The following LTBP1 variants were observed in gnomAD, a reference collection of about 807,000 sequenced individuals.
LTBP1 encodes latent transforming growth factor beta binding protein 1.
Under a neutral mutation model 207.6 loss-of-function variants are expected in LTBP1, and 129 were observed. That is an observed-to-expected ratio of 0.62 (90% CI 0.54 to 0.72). The LOEUF is 0.72. Ranked by LOEUF, LTBP1 falls within the 30% of genes least tolerant of loss-of-function variation. The pLI is 0.00. For missense variants in LTBP1, 2,281 were observed against 2,217.2 expected (o/e 1.03, Z -0.58); for synonymous variants, 963 against 833.7 (o/e 1.16, Z -2.67).
At chr2:33,314,596 C>G (rs1208791745) in intron 23 of LTBP1, among the ~76,000 whole-genome samples, 4 of 152,096 alleles carry the variant, frequency 2.6e-5, no homozygotes, top group African/African-American at 4.8e-5. Flanking sequence ...TTTCTATTAC[C>G]CATTTCCAAT....
At chr2:33,040,268 G>A (rs1432138500) in intron 3 of LTBP1, among the ~76,000 whole-genome samples, 5 of 152,178 alleles carry the variant, frequency 3.3e-5, no homozygotes, top group Admixed American at 2.6e-4. Context: ...AGACCCAGAT[G>A]CTTGGAGCAG....
intron 6 of LTBP1, among the ~76,000 whole-genome samples, chr2:33,187,959 A>G (rs977147581): frequency 2.6e-5 from 4 of 152,198 alleles, no homozygotes; most frequent in African/African-American, 9.6e-5. Context: ...GATAAAATTT[A>G]CCTGCTTAGA....
At chr2:32,961,517 T>C (rs1019159810) in intron 2 of LTBP1, among the ~76,000 whole-genome samples, 4 of 152,008 alleles carry the variant, frequency 2.6e-5, no homozygotes, top group African/African-American at 9.7e-5. Context: ...TTAAATATTT[T>C]TGGAACATTT....
intron 22 of LTBP1, among the ~76,000 whole-genome samples, chr2:33,307,861 A>C (rs1249758383): frequency 1.3e-5 from 2 of 152,106 alleles, no homozygotes; most frequent in African/African-American, 2.4e-5. Flanking sequence ...GCACTCTCTT[A>C]TTTCTCTTTT....
At chr2:33,157,822 G>C (rs929284080) in intron 5 of LTBP1, among the ~76,000 whole-genome samples, 2 of 152,112 alleles carry the variant, frequency 1.3e-5, no homozygotes, top group East Asian at 3.9e-4. Context: ...CTGGGTTACT[G>C]GGAAAAGCTG....
intron 3 of LTBP1, among the ~76,000 whole-genome samples, chr2:33,039,644 T>C (rs1161070692): frequency 6.6e-6 from 1 of 152,228 alleles, no homozygotes; most frequent in African/African-American, 2.4e-5. Context: ...GTCTAAATCA[T>C]TGAGAAATTA....
intron 24 of LTBP1, 138 bp downstream of exon 24, chr2:33,315,407 C>A: frequency 9.3e-7 from 1 of 1,073,152 alleles, no homozygotes; most frequent in Non-Finnish European, 1.3e-6. Flanking sequence ...CAAAGTAAAC[C>A]ATATCTGAAA....
chr2:33,080,119 C>T (rs1007657302), intron 3 of LTBP1, among the ~76,000 whole-genome samples: 2 of 152,044 alleles, frequency 1.3e-5, no homozygotes, highest in African/African-American at 2.4e-5. Context: ...CTCTGCCTCC[C>T]GAGTTCAAGT....
intron 24 of LTBP1, among the ~76,000 whole-genome samples, chr2:33,316,548 GGA>G (rs1418039520): frequency 6.6e-6 from 1 of 152,132 alleles, no homozygotes; most frequent in African/African-American, 2.4e-5. Context: ...ACTAGAACTG[GGA>G]GAGAGAGAGT....
intron 2 of LTBP1, among the ~76,000 whole-genome samples, chr2:33,017,702 C>T (rs562238440): frequency 2.0e-5 from 3 of 152,214 alleles, no homozygotes; most frequent in South Asian, 2.1e-4. Flanking sequence ...CTGCAAGCTC[C>T]GCCTCCTGGG....
Position 33,343,012 on chromosome 2 carries a change from A to G in LTBP1, c.3856+49A>G, listed in dbSNP as rs753249262. The G allele has an allele frequency of 3.8e-6, 6 of 1,575,982 alleles. No individual in the cohort carries two copies. In the East Asian group the frequency reaches 1.1e-4, roughly 30 times the overall value. On this transcript the variant is annotated intron_variant, in intron 25 of 33. Coordinates refer to ENST00000404816, the MANE Select transcript of LTBP1 (RefSeq NM_206943.4). ...ACGTGTTTCACATGTCCCTAGGGAA[A>G]AGAAATCACAGTGAACAACAGGAGC...
intron 10 of LTBP1, among the ~76,000 whole-genome samples, chr2:33,245,244 A>G (rs1288842519): frequency 6.6e-6 from 1 of 152,100 alleles, no homozygotes; most frequent in Non-Finnish European, 1.5e-5. Flanking sequence ...GTCTAGTTTG[A>G]AATTTGCCAT....
chr2:32,951,392 T>G (rs932574817), intron 2 of LTBP1, among the ~76,000 whole-genome samples: 1 of 152,200 alleles, frequency 6.6e-6, no homozygotes, highest in Non-Finnish European at 1.5e-5. Flanking sequence ...ATAATGTATC[T>G]CTGAGGTGGA....
At chr2:33,112,910 A>C (rs569388435) in intron 4 of LTBP1, among the ~76,000 whole-genome samples, 2 of 152,342 alleles carry the variant, frequency 1.3e-5, no homozygotes, top group African/African-American at 4.8e-5. Flanking sequence ...TAGCATCTTC[A>C]TTTTTATATT....
At chr2:33,201,315 A>G (rs1342616238) in intron 7 of LTBP1, among the ~76,000 whole-genome samples, 1 of 152,224 alleles carries the variant, frequency 6.6e-6, no homozygotes, top group African/African-American at 2.4e-5. Context: ...TGATGAGTTC[A>G]TGTCCTTTGT....
chr2:32,982,630 G>T (rs142373838), intron 2 of LTBP1, among the ~76,000 whole-genome samples: 135 of 152,306 alleles, frequency 8.9e-4, no homozygotes, highest in African/African-American at 3.1e-3. Context: ...GGACTCCCCT[G>T]CTGTATGCAG....
intron 2 of LTBP1, among the ~76,000 whole-genome samples, chr2:32,966,837 T>C (rs1035723516): frequency 2.0e-5 from 3 of 152,164 alleles, no homozygotes; most frequent in African/African-American, 4.8e-5. Context: ...TGTAGTTTCC[T>C]GTTCCTGTAA....
chr2:32,976,718 C>T (rs185644156), intron 2 of LTBP1, among the ~76,000 whole-genome samples: 151 of 152,250 alleles, frequency 9.9e-4, no homozygotes, highest in Middle Eastern at 3.4e-3. Context: ...GCAGGGGCCA[C>T]GGTTGGCACA....
intron 16 of LTBP1, among the ~76,000 whole-genome samples, chr2:33,274,091 T>G (rs1022692491): frequency 2.6e-5 from 4 of 152,146 alleles, no homozygotes; most frequent in African/African-American, 4.8e-5. Flanking sequence ...AAACATGTAT[T>G]TAGCAAAAAC....
Sources: gnomAD v4.1 joint callset for allele counts (sites outside exome capture counted in the v4.1 genomes callset) on GRCh38, gnomAD v4.1.1 for gene constraint, MANE v1.5 for transcripts, NCBI Gene and HGNC (gene_info 2026-07-23, HGNC 2026-07-21) for gene names.